The following FSHR variants were observed in gnomAD, a reference collection of about 807,000 sequenced individuals.
FSHR encodes the protein follicle-stimulating hormone receptor.
FSHR carries 46 observed loss-of-function variants against 52.1 expected under a neutral mutation model. The ratio of observed to expected loss-of-function variants is 0.88; its 90% CI spans 0.70 to 1.13. FSHR has a LOEUF of 1.13. FSHR is among the 50% of genes most tolerant of loss of function. The probability of loss-of-function intolerance (pLI) is 0.00; values close to 1 mark genes in which losing one functional copy is unlikely to be tolerated. For missense variants in FSHR, 964 were observed against 834.6 expected, an observed-to-expected ratio of 1.16 and a Z score of -1.91; for synonymous variants, 399 against 309.6, an observed-to-expected ratio of 1.29 and a Z score of -3.03.
chr2:48,974,644 C>T (rs1274912402), intron 8 of FSHR, among the ~76,000 whole-genome samples: 2 of 152,194 alleles, frequency 1.3e-5, no homozygotes, highest in Admixed American at 1.3e-4. Flanking sequence ...AGCTTACTGT[C>T]TGAAGTGATC....
chr2:48,982,936 T>A lies in FSHR; in HGVS notation c.644A>T (p.His215Leu). ...CAGAATGACTGGTCCAGAGGCTCCG[T>A]GGAAAACATCATTAGGCAATTCTTC... ...NLEELPNDVF[H>L]GASGPVILDI... The change falls in exon 8 of 10, where the codon CAC becomes CTC. Residue 215 changes from histidine to leucine, a missense_variant. Coordinates refer to ENST00000406846, the MANE Select transcript of FSHR (RefSeq NM_000145.4). 5 of 1,614,102 alleles carry A rather than the reference T, an allele frequency of 3.1e-6. No homozygotes were observed. In the Middle Eastern group the frequency reaches 4.9e-4, roughly 160 times the overall value.
chr2:49,072,239 C>A (rs112256823), intron 1 of FSHR, among the ~76,000 whole-genome samples: 3,629 of 151,984 alleles, frequency 0.024, 118 homozygotes, highest in African/African-American at 0.078. Flanking sequence ...AACCAACCAA[C>A]CAAACAAACA....
At chr2:48,995,270 A>T (rs2104120467) in intron 4 of FSHR, among the ~76,000 whole-genome samples, 1 of 152,192 alleles carries the variant, frequency 6.6e-6, no homozygotes, top group Middle Eastern at 3.4e-3. Flanking sequence ...CAGGTGAAAC[A>T]CTCAGAATGG....
intron 2 of FSHR, among the ~76,000 whole-genome samples, chr2:49,043,916 G>A (rs1003214602): frequency 1.6e-4 from 25 of 152,112 alleles, no homozygotes; most frequent in African/African-American, 5.6e-4. Context: ...AAATCCTACT[G>A]TCTCCATAAA....
At chr2:48,996,651 C>A (rs1009456110) in intron 4 of FSHR, among the ~76,000 whole-genome samples, 2 of 152,054 alleles carry the variant, frequency 1.3e-5, no homozygotes, top group African/African-American at 4.8e-5. Flanking sequence ...CTAGATAGAC[C>A]ATGCAAAGGA....
At chr2:49,014,987 A>G (rs116127772) in intron 4 of FSHR, 8,783 of 450,414 alleles carry the variant, frequency 0.019, 157 homozygotes, top group African/African-American at 0.068. Context: ...GGAAGAAAGA[A>G]TGAAGGAAAC....
intron 1 of FSHR, among the ~76,000 whole-genome samples, chr2:49,108,062 C>A (rs181188671): frequency 9.2e-5 from 14 of 152,128 alleles, no homozygotes; most frequent in African/African-American, 3.1e-4. Flanking sequence ...AGATTGCCTT[C>A]TCTAACGTGA....
At chr2:49,013,648 G>C (rs866474470) in intron 4 of FSHR, among the ~76,000 whole-genome samples, 1 of 150,956 alleles carries the variant, frequency 6.6e-6, no homozygotes, top group Non-Finnish European at 1.5e-5. Context: ...GTCCACCCTG[G>C]GCAGTAAGTC....
At position 49,048,262 on chromosome 2, in the gene FSHR, T is replaced by TA. The variant is rs34014225; in HGVS notation, c.224+19956dup. On this transcript the variant is annotated intron_variant, in intron 2 of 9. Coordinates refer to ENST00000406846, the MANE Select transcript of FSHR (RefSeq NM_000145.4). ...ACTGGAAAGAAAAAGTTGAGGATGA[T>TA]AAAAAAAAAGTAAAATAAATAAAAA... Among the ~76,000 whole-genome samples the TA allele has an allele frequency of 1.2e-3, 176 of 150,392 alleles. 1 individual carries two copies. The South Asian group carries it at 0.019, about 16-fold the overall frequency.
chr2:49,105,083 G>A (rs1671175654), intron 1 of FSHR, among the ~76,000 whole-genome samples: 1 of 152,114 alleles, frequency 6.6e-6, no homozygotes, highest in African/African-American at 2.4e-5. Context: ...CAGGGTGAGG[G>A]CAGGGAGTGG....
intron 2 of FSHR, among the ~76,000 whole-genome samples, chr2:49,057,172 A>G (rs1669093667): frequency 6.6e-6 from 1 of 152,184 alleles, no homozygotes; most frequent in Non-Finnish European, 1.5e-5. Flanking sequence ...ATATCAGAGC[A>G]GAAATAAATG....
At chr2:48,965,880 C>T (rs747351854) in intron 9 of FSHR, among the ~76,000 whole-genome samples, 13 of 152,192 alleles carry the variant, frequency 8.5e-5, no homozygotes, top group Non-Finnish European at 1.6e-4. Context: ...CTTGCCTCCG[C>T]AGTACTTTGG....
chr2:49,093,965 G>C (rs1434130807), intron 1 of FSHR, among the ~76,000 whole-genome samples: 1 of 152,070 alleles, frequency 6.6e-6, no homozygotes, highest in African/African-American at 2.4e-5. Flanking sequence ...TATCTTTGTT[G>C]TAACTGGTGT....
At chr2:48,978,285 T>G (rs1298095222) in intron 8 of FSHR, among the ~76,000 whole-genome samples, 1 of 152,228 alleles carries the variant, frequency 6.6e-6, no homozygotes, top group Non-Finnish European at 1.5e-5. Flanking sequence ...AAAGATGTTA[T>G]TACAGGTCAA....
chr2:48,980,540 G>A (rs941736785), intron 8 of FSHR, among the ~76,000 whole-genome samples: 2 of 152,154 alleles, frequency 1.3e-5, no homozygotes, highest in East Asian at 3.9e-4. Flanking sequence ...GCAACCTCAG[G>A]AGATGTTCTT....
chr2:48,974,896 A>T (rs1559084700), intron 8 of FSHR, among the ~76,000 whole-genome samples: 1 of 152,176 alleles, frequency 6.6e-6, no homozygotes, highest in Non-Finnish European at 1.5e-5. Flanking sequence ...TGTTGGCTAC[A>T]GTTCTTCTGC....
chr2:49,128,171 G>A lies in FSHR; in HGVS notation c.152+26095C>T, dbSNP rs547043305. ...GCTAGGATTGCAGGCATGATCCACC[G>A]TGCCCAGCCAATTTATGCTTGAACT... is the stretch of plus-strand genomic sequence containing the variant. On this transcript the variant is annotated intron_variant, in intron 1 of 9. Coordinates refer to ENST00000406846, the MANE Select transcript of FSHR (RefSeq NM_000145.4). Among the ~76,000 whole-genome samples, 5 of 151,774 alleles carry A rather than the reference G, an allele frequency of 3.3e-5. No individual in the cohort carries two copies. In the South Asian group the frequency reaches 6.2e-4, roughly 19 times the overall value.
intron 1 of FSHR, among the ~76,000 whole-genome samples, chr2:49,152,943 G>A (rs535511160): frequency 1.3e-5 from 2 of 152,342 alleles, no homozygotes; most frequent in South Asian, 4.1e-4. Context: ...AAATCAGACT[G>A]TCTTTGTGCA....
chr2:49,021,927 C>T (rs1311979081), intron 2 of FSHR, among the ~76,000 whole-genome samples: 2 of 118,958 alleles, frequency 1.7e-5, no homozygotes, highest in Non-Finnish European at 3.4e-5. Flanking sequence ...AGAGAATGAA[C>T]ACCATGCTGG....
Sources: gnomAD v4.1 joint callset for allele counts (sites outside exome capture counted in the v4.1 genomes callset) on GRCh38, gnomAD v4.1.1 for gene constraint, MANE v1.5 for transcripts, NCBI Gene and HGNC (gene_info 2026-07-23, HGNC 2026-07-21) for gene names.